The following VEGFA variants were observed in gnomAD, a reference collection of about 807,000 sequenced individuals.
VEGFA encodes vascular endothelial growth factor A, long form.
A neutral mutation model predicts 49.7 loss-of-function variants in VEGFA; 20 were observed. That is an observed-to-expected ratio of 0.40 (90% CI 0.28 to 0.58). VEGFA has a LOEUF of 0.58. VEGFA is among the 20% of genes least tolerant of loss of function. The pLI is 0.40. For synonymous variants in VEGFA, 219 were observed against 223.4 expected, an observed-to-expected ratio of 0.98 and a Z score of 0.18; for missense variants, 505 against 553.5, an observed-to-expected ratio of 0.91 and a Z score of 0.88.
chr6:43,776,654 C>T (rs1765538062), intron 2 of VEGFA: 1 of 152,810 alleles, frequency 6.5e-6, no homozygotes, highest in African/African-American at 2.4e-5. Flanking sequence ...GCGTGTCCGC[C>T]CACTGCCACC....
intron 1 of VEGFA, chr6:43,772,247 C>T (rs1470737869): frequency 2.1e-5 from 4 of 188,094 alleles, no homozygotes; most frequent in Non-Finnish European, 4.0e-5. Context: ...GCCCCTGTCA[C>T]CCCGCTTATT....
chr6:43,770,434 G>T lies in VEGFA; in HGVS notation c.-273G>T. The T allele has an allele frequency of 2.1e-6, 1 of 468,256 alleles. No homozygotes were observed. Among genetic ancestry groups the T allele is most frequent in the Non-Finnish European group, 3.5e-6 (1 of 289,170 alleles). The allele number at this position is 468,256 out of a possible 1,614,324, so 29.0% of individuals were successfully genotyped here. A position where few individuals can be genotyped will look rare whatever the true frequency, so the allele number is the denominator to read the frequency against. Reference sequence around the variant, plus strand: ...TTGTTTCTCGTTTTAATTTATTTTTGCTTGCCATTCCCCACTTGAATCGGG... The same window carrying T: ...TTGTTTCTCGTTTTAATTTATTTTTTCTTGCCATTCCCCACTTGAATCGGG... On this transcript the variant is annotated 5_prime_UTR_variant, in exon 1 of 8. Transcript: ENST00000672860.
rs929099529 is a variant in VEGFA, at chr6:43,773,927, T to G, written c.607-414T>G. 8.3e-6 allele frequency: 2 copies of G among 241,788 alleles called. No individual in the cohort carries two copies. Among genetic ancestry groups the G allele is most frequent in the Non-Finnish European group, 1.7e-5 (2 of 117,812 alleles). The allele number at this position is 241,788 out of a possible 1,614,324, so 15.0% of individuals were successfully genotyped here. A position where few individuals can be genotyped will look rare whatever the true frequency, so the allele number is the denominator to read the frequency against. On this transcript the variant is annotated intron_variant, in intron 1 of 7. Coordinates refer to ENST00000672860, the MANE Select transcript of VEGFA (RefSeq NM_003376.6). This position sits in a 1 kb window ranked among gnomAD's most constrained non-coding sequence, Gnocchi z 5.6. ...ATGTTGTTTTTCTCGCCCCTAGTCC[T>G]TCCTTCCTGCCCCAGTCCAAATTTG...
chr6:43,781,427 G>A (rs1050223794), intron 6 of VEGFA: 8 of 236,448 alleles, frequency 3.4e-5, no homozygotes, highest in Admixed American at 1.0e-4. Context: ...CTCTTCCTCT[G>A]GGTCGGAGGC....
intron 5 of VEGFA, chr6:43,779,194 C>T (rs1029952609): frequency 1.2e-5 from 7 of 570,280 alleles, no homozygotes; most frequent in Admixed American, 3.1e-5. Flanking sequence ...CTTGCTGTTT[C>T]GGTGTGTCAG....
chr6:43,779,394 C>T, intron 5 of VEGFA: 2 of 335,612 alleles, frequency 6.0e-6, no homozygotes, highest in East Asian at 7.0e-5. Context: ...CTGTAGGCGG[C>T]AGGCGGCAGA....
Position 43,771,388 on chromosome 6 carries a change from G to A in VEGFA, c.606+76G>A. The A allele has an allele frequency of 6.9e-6, 10 of 1,456,178 alleles. No individual in the cohort carries two copies. The South Asian group carries it at 1.1e-4, about 16-fold the overall frequency. The allele number at this position is 1,456,178 out of a possible 1,614,324, so 90.2% of individuals were successfully genotyped here. On this transcript the variant is annotated intron_variant, in intron 1 of 7. Transcript: ENST00000672860. ...CGGCTGGGGACGTGCGTGCGAGCGC[G>A]CGCGTGGGGGCTCCGTGCCCCACGC...
intron 2 of VEGFA, chr6:43,776,805 A>C (rs1002178029): frequency 1.2e-5 from 2 of 160,652 alleles, no homozygotes; most frequent in Non-Finnish European, 2.8e-5. Flanking sequence ...AGGCTTGGGA[A>C]CACTTTGATG....
At chr6:43,772,081 G>T in intron 1 of VEGFA, 1 of 985,454 alleles carries the variant, frequency 1.0e-6, no homozygotes. Context: ...CCAGCCCTCC[G>T]CGGGAAGGTG....
In VEGFA at chr6:43,778,468, G is replaced by A. The variant is rs762127325; in HGVS notation, c.864G>A (p.Arg288=). 1.2e-6 allele frequency: 2 copies of A among 1,614,152 alleles called. No homozygotes were observed. Among genetic ancestry groups the A allele is most frequent in the South Asian group, 2.2e-5 (2 of 91,080 alleles). Residue 288 remains arginine, a synonymous_variant, in exon 4 of 8, where the codon CGG becomes CGA. Transcript: ENST00000672860. Reference sequence around the variant, plus strand: ...GCTTCCTTCCTTTCCAGATTATGCGGATCAAACCTCACCAAGGCCAGCACA... The same window carrying A: ...GCTTCCTTCCTTTCCAGATTATGCGAATCAAACCTCACCAAGGCCAGCACA...
intron 6 of VEGFA, 60 bp downstream of exon 6, chr6:43,780,863 T>A: frequency 6.4e-7 from 1 of 1,568,492 alleles, no homozygotes; most frequent in African/African-American, 1.4e-5. Context: ...CAGTACAACC[T>A]CCGCCTGCCA....
chr6:43,772,199 C>G (rs1763847699), intron 1 of VEGFA: 1 of 392,644 alleles, frequency 2.5e-6, no homozygotes, highest in Non-Finnish European at 3.5e-6. Flanking sequence ...TCCTGACGCC[C>G]CTTCTCTTCA....
At chr6:43,784,405 T>C in intron 7 of VEGFA, 136 bp from the exon 8 acceptor site, 2 of 881,030 alleles carry the variant, frequency 2.3e-6, no homozygotes, top group Non-Finnish European at 3.9e-6. Flanking sequence ...GGACCACACC[T>C]TCCTGTCCTC....
At chr6:43,782,148 G>T in intron 7 of VEGFA, 61 bp downstream of exon 7, 1 of 1,604,044 alleles carries the variant, frequency 6.2e-7, no homozygotes, top group Non-Finnish European at 8.5e-7. Context: ...GGGAGAGAGA[G>T]AGAGAAAGAG....
Position 43,771,194 on chromosome 6 carries a change from C to G in VEGFA, c.488C>G (p.Pro163Arg), listed in dbSNP as rs752729944. ...GAGGAGAGCGGGCCGCCCCACAGCC[C>G]GAGCCGGAGAGGGAGCGCGAGCCGC... Residue 163 changes from proline to arginine, a missense_variant, in exon 1 of 8, where the codon CCG (proline) becomes CGG (arginine). Transcript: ENST00000672860. The G allele has an allele frequency of 2.1e-5, 34 of 1,597,574 alleles. No individual in the cohort carries two copies. In the East Asian group the frequency reaches 7.8e-4, roughly 37 times the overall value.
chr6:43,781,178 G>A (rs1767579374), intron 6 of VEGFA: 2 of 459,580 alleles, frequency 4.4e-6, no homozygotes, highest in African/African-American at 4.0e-5. Flanking sequence ...CACTCGTCTG[G>A]AAGCTGAGGG....
chr6:43,779,472 C>A, intron 5 of VEGFA: 1 of 352,992 alleles, frequency 2.8e-6, no homozygotes, highest in South Asian at 2.6e-5. Flanking sequence ...GTGAGTGCTC[C>A]GTGTTAAGGG....
At chr6:43,784,068 C>T (rs767297693) in intron 7 of VEGFA, 5 of 224,372 alleles carry the variant, frequency 2.2e-5, no homozygotes, top group Non-Finnish European at 4.5e-5. Flanking sequence ...CTCTCTGCCT[C>T]AGGCGTTCTC....
At chr6:43,779,364 G>T in intron 5 of VEGFA, 1 of 350,264 alleles carries the variant, frequency 2.9e-6, no homozygotes, top group Non-Finnish European at 5.4e-6. Flanking sequence ...CTGGAGGGTG[G>T]TTTCTCAGTG....
Sources: allele counts gnomAD v4.1 joint callset, GRCh38; gene constraint gnomAD v4.1.1; non-coding constraint Gnocchi (gnomAD v3.1); transcripts MANE v1.5; gene names NCBI Gene and HGNC (gene_info 2026-07-23, HGNC 2026-07-21).